Variants in SLIT3 observed in about 807,000 individuals in gnomAD.
SLIT3 encodes slit homolog 3 protein.
Under a neutral mutation model 184.0 loss-of-function variants are expected in SLIT3, and 68 were observed. That is an observed-to-expected ratio of 0.37 (90% CI 0.30 to 0.45). SLIT3 has a LOEUF of 0.45. SLIT3 is among the 20% of genes least tolerant of loss of function. SLIT3 has a pLI of 1.00. For missense variants in SLIT3, 1,707 were observed against 2,026.0 expected (o/e 0.84, Z 3.02); for synonymous variants, 831 against 828.6 (o/e 1.00, Z -0.05).
At chr5:169,284,861 T>C (rs996766349) in intron 1 of SLIT3, among the ~76,000 whole-genome samples, 2 of 151,948 alleles carry the variant, frequency 1.3e-5, no homozygotes, top group Non-Finnish European at 2.9e-5. Context: ...TCTTTATGTC[T>C]TTTTTTTATG....
At chr5:169,141,738 C>CAA (rs1446494485) in intron 4 of SLIT3, among the ~76,000 whole-genome samples, 1 of 126,096 alleles carries the variant, frequency 7.9e-6, no homozygotes, top group African/African-American at 3.0e-5. Context: ...GACTCTGTCT[C>CAA]AAAAAAAGAA....
chr5:169,282,974 T>G (rs977424418), intron 1 of SLIT3, among the ~76,000 whole-genome samples: 4 of 152,348 alleles, frequency 2.6e-5, no homozygotes, highest in Admixed American at 2.6e-4. Flanking sequence ...AGTAATTTTT[T>G]AAGTCTCCCC....
intron 1 of SLIT3, among the ~76,000 whole-genome samples, chr5:169,269,720 C>T (rs1290743401): frequency 6.6e-6 from 1 of 152,252 alleles, no homozygotes; most frequent in East Asian, 1.9e-4. Context: ...TGCCAAGGGG[C>T]AGGAATTAGG....
chr5:168,900,164 G>A (rs987843718), intron 4 of SLIT3, among the ~76,000 whole-genome samples: 2 of 152,184 alleles, frequency 1.3e-5, no homozygotes, highest in Non-Finnish European at 1.5e-5. Flanking sequence ...GCAGAGGTAA[G>A]GGAGCACTTA....
chr5:168,972,134 C>A (rs1169610713), intron 4 of SLIT3, among the ~76,000 whole-genome samples: 1 of 152,142 alleles, frequency 6.6e-6, no homozygotes, highest in East Asian at 1.9e-4. Flanking sequence ...GTGAGAAGAC[C>A]TGGAGAGGCA....
chr5:168,685,869 G>T lies in SLIT3; in HGVS notation c.3373C>A (p.Gln1125Lys). The change falls in exon 31 of 36, where the codon CAG (glutamine) becomes AAG (lysine). Residue 1125 changes from glutamine (Q) to lysine (K), a missense_variant. Gln to Lys is a moderately conservative substitution (Grantham distance 53). This residue lies in a region of SLIT3 where 1,307 missense variants were observed against 1,511.6 expected (regional missense o/e 0.86). Coordinates refer to ENST00000519560, the MANE Select transcript of SLIT3 (RefSeq NM_003062.4). ...TGGGCCCCGTTCTGGCACTCGTACTGGTCGCATGGGCTGGTCTGCAGTAGG... is the reference window on the plus strand; with the variant it reads ...TGGGCCCCGTTCTGGCACTCGTACTTGTCGCATGGGCTGGTCTGCAGTAGG... The part of the protein sequence containing the change: ...MVLLQTSPCD[Q>K]YECQNGAQCI... The T allele has an allele frequency of 6.2e-7, 1 of 1,613,834 alleles. No homozygotes were observed. Among genetic ancestry groups the T allele is most frequent in the Non-Finnish European group, 8.5e-7 (1 of 1,179,962 alleles).
chr5:168,774,107 C>G lies in SLIT3; in HGVS notation c.1295+128G>C, dbSNP rs1375784537. ...GCTATTCCGATTTTTATTATTCTAG[C>G]TTCCCTGCAGGCTCTAGAACTCCTC... On this transcript the variant is annotated intron_variant, in intron 13 of 35. Transcript: ENST00000519560. 4 of 881,176 alleles carry G rather than the reference C, an allele frequency of 4.5e-6. No homozygotes were observed. In the African/African-American group the frequency reaches 5.0e-5, roughly 11 times the overall value. The allele number at this position is 881,176 out of a possible 1,614,324, so 54.6% of individuals were successfully genotyped here.
chr5:169,258,573 T>C (rs2113608961), intron 1 of SLIT3, among the ~76,000 whole-genome samples: 1 of 152,332 alleles, frequency 6.6e-6, no homozygotes, highest in South Asian at 2.1e-4. Flanking sequence ...GGCATCACCA[T>C]GGTAATTTGG....
chr5:169,070,824 A>AAC (rs1758519969), intron 4 of SLIT3, among the ~76,000 whole-genome samples: 4 of 152,062 alleles, frequency 2.6e-5, no homozygotes, highest in Admixed American at 2.6e-4. Context: ...AAGAAACAAA[A>AAC]AACAAAAACA....
At chr5:169,109,986 C>G (rs1760355254) in intron 4 of SLIT3, among the ~76,000 whole-genome samples, 1 of 152,112 alleles carries the variant, frequency 6.6e-6, no homozygotes, top group African/African-American at 2.4e-5. Context: ...CGTCTAATAA[C>G]AAGGAGACAT....
chr5:168,963,635 G>A (rs1763087024), intron 4 of SLIT3, among the ~76,000 whole-genome samples: 1 of 152,248 alleles, frequency 6.6e-6, no homozygotes, highest in Admixed American at 6.5e-5. Flanking sequence ...TACGAGGGCA[G>A]AGACTAAGCC....
chr5:168,812,918 G>T (rs1456814892), intron 8 of SLIT3, among the ~76,000 whole-genome samples: 1 of 151,782 alleles, frequency 6.6e-6, no homozygotes, highest in Non-Finnish European at 1.5e-5. Context: ...AAAAGGGAAA[G>T]TTTCTTGTTT....
intron 4 of SLIT3, among the ~76,000 whole-genome samples, chr5:169,082,377 T>C (rs1165494441): frequency 6.6e-6 from 1 of 152,256 alleles, no homozygotes; most frequent in Non-Finnish European, 1.5e-5. Flanking sequence ...GTTACGATTA[T>C]GTTGGAGTAA....
At chr5:169,081,225 G>T (rs534875015) in intron 4 of SLIT3, among the ~76,000 whole-genome samples, 1 of 152,338 alleles carries the variant, frequency 6.6e-6, no homozygotes, top group African/African-American at 2.4e-5. Context: ...CTGGAGGGGT[G>T]CAGTGCTTTT....
chr5:169,073,731 T>G (rs1004240888), intron 4 of SLIT3, among the ~76,000 whole-genome samples: 1 of 152,100 alleles, frequency 6.6e-6, no homozygotes, highest in South Asian at 2.1e-4. Context: ...CAACCTTGCT[T>G]CTTCTCTTGC....
intron 4 of SLIT3, among the ~76,000 whole-genome samples, chr5:168,901,040 G>C (rs1445298530): frequency 6.6e-6 from 1 of 152,128 alleles, no homozygotes; most frequent in Non-Finnish European, 1.5e-5. Context: ...TAAAAGCCCT[G>C]ACTTCATCAC....
intron 34 of SLIT3, among the ~76,000 whole-genome samples, chr5:168,670,644 C>T (rs1761209674): frequency 6.6e-6 from 1 of 152,180 alleles, no homozygotes; most frequent in Non-Finnish European, 1.5e-5. Flanking sequence ...TATTCCTGAT[C>T]CAAAAAATCA....
intron 12 of SLIT3, 38 bp from the exon 13 acceptor site, chr5:168,774,416 T>C: frequency 1.3e-6 from 2 of 1,578,936 alleles, no homozygotes; most frequent in African/African-American, 2.7e-5. Context: ...TCACTAATCC[T>C]GGTAATTACC....
chr5:168,757,239 G>C (rs988267469), intron 16 of SLIT3, among the ~76,000 whole-genome samples: 11 of 152,200 alleles, frequency 7.2e-5, no homozygotes, highest in Non-Finnish European at 8.8e-5. Context: ...GGTTAGTTCA[G>C]AGCCCCTGAG....
Sources: allele counts gnomAD v4.1 joint callset (sites outside exome capture counted in the v4.1 genomes callset), GRCh38; gene constraint gnomAD v4.1.1; regional missense constraint gnomAD v4.1.1; transcripts MANE v1.5; gene names NCBI Gene and HGNC (gene_info 2026-07-23, HGNC 2026-07-21).